The following SMARCA2 variants were observed in gnomAD, a reference collection of about 807,000 sequenced individuals.
The protein encoded by SMARCA2 is SWI/SNF-related matrix-associated actin-dependent regulator of chromatin subfamily A member 2.
A neutral mutation model predicts 199.8 loss-of-function variants in SMARCA2; 61 were observed. That is an observed-to-expected ratio of 0.31 (90% CI 0.25 to 0.38). The LOEUF is 0.38. Ranked by LOEUF, SMARCA2 falls within the 10% of genes least tolerant of loss-of-function variation. SMARCA2 has a pLI of 1.00. For missense variants in SMARCA2, 1,344 were observed against 2,012.2 expected, an observed-to-expected ratio of 0.67 and a Z score of 6.35; for synonymous variants, 935 against 732.0, an observed-to-expected ratio of 1.28 and a Z score of -4.48.
chr9:2,043,125 GGATATTATTCACTTACGTA>G (rs1381848361), intron 4 of SMARCA2: 2 of 151,994 alleles, frequency 1.3e-5, no homozygotes, highest in African/African-American at 4.8e-5. Flanking sequence ...TAATATTTCA[GGATATTATTCACTTACGTA>G]GAGGTAGTTG....
In SMARCA2 at chr9:2,119,315, T is replaced by C; in HGVS notation, c.3685-143T>C. ...TTTAATAGCTTGTAAAATAGTAACG[T>C]CAAGGACTAAATCCAGCAACCCCTT... On this transcript the variant is annotated intron_variant, in intron 25 of 33. Coordinates refer to ENST00000349721, the MANE Select transcript of SMARCA2 (RefSeq NM_003070.5). The surrounding 1 kb of genome is among the most constrained non-coding windows in gnomAD (Gnocchi z 4.6). 2 of 603,888 alleles carry C rather than the reference T, an allele frequency of 3.3e-6. No homozygotes were observed. Among genetic ancestry groups the C allele is most frequent in the South Asian group, 2.2e-5 (1 of 46,492 alleles). 37.4% of individuals were successfully genotyped at this position (603,888 alleles called of 1,614,324 possible).
At chr9:2,077,140 G>T (rs1473482293) in intron 13 of SMARCA2, among the ~76,000 whole-genome samples, 1 of 152,144 alleles carries the variant, frequency 6.6e-6, no homozygotes, top group Admixed American at 6.5e-5. Flanking sequence ...AGGCACAGAA[G>T]ATAGAAGCCT....
At chr9:2,052,239 C>A (rs181927678) in intron 5 of SMARCA2, among the ~76,000 whole-genome samples, 11 of 152,332 alleles carry the variant, frequency 7.2e-5, no homozygotes, top group Non-Finnish European at 1.3e-4. Flanking sequence ...TTCGGGAGGC[C>A]GATGCCTGCG....
At chr9:2,135,513 T>A (rs1347365161) in intron 27 of SMARCA2, among the ~76,000 whole-genome samples, 1 of 151,984 alleles carries the variant, frequency 6.6e-6, no homozygotes, top group Non-Finnish European at 1.5e-5. Flanking sequence ...ATGCGTTGAG[T>A]TATATTATCT....
At chr9:2,033,347 A>G (rs1009126357) in intron 3 of SMARCA2, among the ~76,000 whole-genome samples, 1 of 152,206 alleles carries the variant, frequency 6.6e-6, no homozygotes, top group African/African-American at 2.4e-5. Flanking sequence ...TTTATCTAGA[A>G]TCTTTATCGT....
chr9:2,126,599 C>G (rs1171277537), intron 27 of SMARCA2, among the ~76,000 whole-genome samples: 1 of 152,220 alleles, frequency 6.6e-6, no homozygotes, highest in African/African-American at 2.4e-5. Context: ...GCCAACATGG[C>G]CTTGAAAGGG....
chr9:2,170,473 G>C lies in SMARCA2; in HGVS notation c.4253+1G>C, dbSNP rs866998917. 6.8e-6 allele frequency: 11 copies of C among 1,614,062 alleles called. No homozygotes were observed. Among genetic ancestry groups the C allele is most frequent in the Non-Finnish European group, 8.5e-6 (10 of 1,179,972 alleles). On this transcript the variant is annotated splice_donor_variant, in intron 29 of 33. Coordinates refer to ENST00000349721, the MANE Select transcript of SMARCA2 (RefSeq NM_003070.5). LOFTEE classifies it high-confidence loss of function. This position sits in a 1 kb window ranked among gnomAD's most constrained non-coding sequence, Gnocchi z 4.7. ...CTCAGTTGGAAATAGAAGGAAACAGGTCAGGATCTGTCTTGTATTCCCCTA... is the reference window on the plus strand; with the variant it reads ...CTCAGTTGGAAATAGAAGGAAACAGCTCAGGATCTGTCTTGTATTCCCCTA...
Position 2,039,593 on chromosome 9 carries a change from G to C in SMARCA2, c.483G>C (p.Pro161=), listed in dbSNP as rs146359524. ...CGGGGGCCCTCATCCCAGGTGATCC[G>C]CAGGCCATGAGCCAGCCCAACAGAG... ...SQPGALIPGD[P]QAMSQPNRGP... Residue 161 remains proline, a synonymous_variant, in exon 4 of 34, where the codon CCG becomes CCC. Coordinates refer to ENST00000349721, the MANE Select transcript of SMARCA2 (RefSeq NM_003070.5). The surrounding 1 kb of genome is among the most constrained non-coding windows in gnomAD (Gnocchi z 4.8). The C allele has an allele frequency of 6.2e-6, 10 of 1,614,128 alleles. No individual in the cohort carries two copies. The Middle Eastern group carries it at 4.9e-4, about 80-fold the overall frequency.
intron 4 of SMARCA2, chr9:2,043,162 AT>A (rs1819684960): frequency 6.6e-6 from 1 of 152,120 alleles, no homozygotes; most frequent in African/African-American, 2.4e-5. Context: ...TTGTGTTCCC[AT>A]TTTGCTTCTG....
At position 2,026,480 on chromosome 9, in the gene SMARCA2, T is replaced by G. The variant is rs537292052; in HGVS notation, c.-36-2507T>G. On this transcript the variant is annotated intron_variant, in intron 1 of 33. Transcript: ENST00000349721. ...GGACTATGTATGAGTAATTACAACA[T>G]TCTCTGAGATTCCCAGGTGGAAATG... is the stretch of plus-strand genomic sequence containing the variant. Among the ~76,000 whole-genome samples the G allele has an allele frequency of 5.6e-4, 85 of 152,342 alleles. 1 individual carries two copies. Among genetic ancestry groups the G allele is most frequent in the African/African-American group, 1.5e-3 (61 of 41,570 alleles).
chr9:2,058,211 T>C lies in SMARCA2; in HGVS notation c.1348-80T>C, dbSNP rs908094494. On this transcript the variant is annotated intron_variant, in intron 7 of 33. Transcript: ENST00000349721. Reference sequence around the variant, plus strand: ...GCTGTTAAACACACACTGAGAGTTTTCTTGGACAACACTGATAGCTCAGAG... The same window carrying C: ...GCTGTTAAACACACACTGAGAGTTTCCTTGGACAACACTGATAGCTCAGAG... 45 of 1,276,644 alleles carry C rather than the reference T, an allele frequency of 3.5e-5. No individual in the cohort carries two copies. In the South Asian group the frequency reaches 5.5e-4, roughly 15 times the overall value. 79.1% of individuals were successfully genotyped at this position (1,276,644 alleles called of 1,614,324 possible). A position where few individuals can be genotyped will look rare whatever the true frequency, so the allele number is the denominator to read the frequency against.
chr9:2,029,290 G>C (rs749928182), intron 2 of SMARCA2, 43 bp downstream of exon 2: 2 of 1,571,264 alleles, frequency 1.3e-6, no homozygotes, highest in Admixed American at 3.7e-5. Flanking sequence ...TCTGATAAGT[G>C]GATGGCTAAT....
In SMARCA2 at chr9:2,119,937, T is replaced by G. The variant is rs565534097; in HGVS notation, c.3762+402T>G. On this transcript the variant is annotated intron_variant, in intron 26 of 33. Transcript: ENST00000349721. This position sits in a 1 kb window ranked among gnomAD's most constrained non-coding sequence, Gnocchi z 4.6. ...CAGTTCGTTTCTAATCCCAGGCCAG[T>G]GTCATTCAGGAAGCCTACCTGGCTC... Among the ~76,000 whole-genome samples the G allele has an allele frequency of 4.6e-5, 7 of 152,316 alleles. No individual in the cohort carries two copies. In the East Asian group the frequency reaches 1.4e-3, roughly 29 times the overall value.
chr9:2,171,572 A>G (rs1249032239), intron 29 of SMARCA2, among the ~76,000 whole-genome samples: 2 of 152,252 alleles, frequency 1.3e-5, no homozygotes, highest in African/African-American at 4.8e-5. Flanking sequence ...GAAACCAGGC[A>G]CATAAACTAT....
At position 2,170,520 on chromosome 9, in the gene SMARCA2, C is replaced by T. The variant is rs750225268; in HGVS notation, c.4253+48C>T. ...CCTATCTCTAAATACAGGTATCCCT[C>T]GTTACGTGAAACAGATTGAATCATA... On this transcript the variant is annotated intron_variant, in intron 29 of 33. Transcript: ENST00000349721. The surrounding 1 kb of genome is among the most constrained non-coding windows in gnomAD (Gnocchi z 4.7). 4.4e-5 allele frequency: 71 copies of T among 1,612,948 alleles called. No individual in the cohort carries two copies. Among genetic ancestry groups the T allele is most frequent in the South Asian group, 3.5e-4 (32 of 90,802 alleles).
chr9:2,133,206 CA>C (rs1824040414), intron 27 of SMARCA2, among the ~76,000 whole-genome samples: 1 of 152,140 alleles, frequency 6.6e-6, no homozygotes. Flanking sequence ...ACAGAGAAAT[CA>C]GAGAAATAAT....
rs529659285 is a variant in SMARCA2 at position 2,073,058 on chromosome 9, C to G, written c.1747-154C>G. The G allele has an allele frequency of 4.1e-5, 33 of 800,044 alleles. No individual in the cohort carries two copies. The South Asian group carries it at 6.2e-4, about 15-fold the overall frequency. 49.6% of individuals were successfully genotyped at this position (800,044 alleles called of 1,614,324 possible). ...CAGTTTCTTTAGTGGGAGGTAGCCT[C>G]TCACCTCCCACCAACACTCATTAGG... On this transcript the variant is annotated intron_variant, in intron 10 of 33. Transcript: ENST00000349721.
intron 9 of SMARCA2, chr9:2,069,024 C>A (rs913986403): frequency 2.0e-5 from 3 of 151,804 alleles, no homozygotes; most frequent in African/African-American, 7.3e-5. Flanking sequence ...TCACGCCATT[C>A]TCCTGCCTCA....
intron 27 of SMARCA2, among the ~76,000 whole-genome samples, chr9:2,141,681 A>C (rs1405826474): frequency 1.3e-5 from 2 of 152,032 alleles, no homozygotes; most frequent in Non-Finnish European, 2.9e-5. Context: ...ATTTTTATTC[A>C]CTATGTAGTT....
Sources: gnomAD v4.1 joint callset for allele counts (sites outside exome capture counted in the v4.1 genomes callset) on GRCh38, gnomAD v4.1.1 for gene constraint, Gnocchi (gnomAD v3.1) non-coding constraint, MANE v1.5 for transcripts, NCBI Gene and HGNC (gene_info 2026-07-23, HGNC 2026-07-21) for gene names.